The following PARP2 variants were observed in gnomAD, a reference collection of about 807,000 sequenced individuals.
The protein encoded by PARP2 is poly [ADP-ribose] polymerase 2.
Under a neutral mutation model 77.8 loss-of-function variants are expected in PARP2, and 57 were observed. That is an observed-to-expected ratio of 0.73 (90% CI 0.59 to 0.91). The LOEUF is 0.91. Among genes scored for constraint, PARP2 ranks in the 40% least tolerant of loss-of-function variants. The probability of loss-of-function intolerance (pLI) is 0.00; values close to 1 mark genes in which losing one functional copy is unlikely to be tolerated. For synonymous variants in PARP2, 226 were observed against 242.6 expected (o/e 0.93, Z 0.64); for missense variants, 651 against 689.0 (o/e 0.94, Z 0.62).
chr14:20,346,030 A>G (rs560737244), intron 3 of PARP2, among the ~76,000 whole-genome samples: 2 of 152,322 alleles, frequency 1.3e-5, no homozygotes, highest in South Asian at 2.1e-4. Context: ...ATCCACTTCC[A>G]TGATTGAATC....
At position 20,354,079 on chromosome 14, in the gene PARP2, C is replaced by G. The variant is rs770154928; in HGVS notation, c.601-6C>G. The G allele has an allele frequency of 6.2e-7, 1 of 1,605,886 alleles. No individual in the cohort carries two copies. Among genetic ancestry groups the G allele is most frequent in the East Asian group, 2.2e-5 (1 of 44,794 alleles). On this transcript the variant is annotated splice_region_variant and splice_polypyrimidine_tract_variant and intron_variant, in intron 7 of 15. Transcript: ENST00000429687. ...TGTCTTGTGTTTTGTTTGTTTTTTG[C>G]TATAGGATGAAGAGGAAACAAAGAA... is the stretch of plus-strand genomic sequence containing the variant.
chr14:20,345,900 CAGAG>C (rs1440540283), intron 3 of PARP2, among the ~76,000 whole-genome samples: 2 of 149,994 alleles, frequency 1.3e-5, no homozygotes, highest in African/African-American at 5.1e-5. Context: ...GAAGGTGTCA[CAGAG>C]AGAGAAAGAG....
At position 20,345,436 on chromosome 14, in the gene PARP2, A is replaced by T; in HGVS notation, c.245A>T (p.Asp82Val). The T allele has an allele frequency of 6.2e-7, 1 of 1,613,948 alleles. No homozygotes were observed. ...CTGTTAAAGGGCAAAGCTCCTGTGG[A>T]CCCAGAGTGTACAGCCAAGGTGGGG... ...ALLLKGKAPV[D>V]PECTAKVGKA... The change falls in exon 3 of 16, where the codon GAC becomes GTC. Residue 82 changes from aspartate (D) to valine (V), a missense_variant. Transcript: ENST00000429687.
chr14:20,357,573 T>G (rs778286076), intron 15 of PARP2, 53 bp downstream of exon 15: 2 of 1,603,044 alleles, frequency 1.2e-6, no homozygotes, highest in South Asian at 1.1e-5. Context: ...CAGATAAGAC[T>G]ACGTTCTCTA....
chr14:20,350,464 T>C (rs1295906602), intron 4 of PARP2, 62 bp from the exon 5 acceptor site: 3 of 818,096 alleles, frequency 3.7e-6, no homozygotes, highest in Non-Finnish European at 2.1e-6. Context: ...GATGAGTCAT[T>C]GGTTTATGTG....
In PARP2 at chr14:20,345,065, C is replaced by T. The variant is rs1444809168; in HGVS notation, c.180C>T (p.Asp60=). The T allele has an allele frequency of 4.3e-6, 7 of 1,613,928 alleles. No homozygotes were observed. The highest frequency in any genetic ancestry group is 5.9e-6 in the Non-Finnish European group (7 of 1,179,976). Residue 60 remains aspartate (D), a synonymous_variant, in exon 2 of 16, where the codon GAC becomes GAT. Transcript: ENST00000429687. The part of the protein sequence containing the change: ...MPVAGGKANK[D]RTEDKQDESV... ...TGGCTGGAGGAAAAGCTAATAAGGA[C>T]AGGACAGAAGACAAGCAAGATGGTA...
chr14:20,353,365 G>A (rs971740607), intron 7 of PARP2, among the ~76,000 whole-genome samples: 2 of 150,804 alleles, frequency 1.3e-5, no homozygotes, highest in African/African-American at 4.9e-5. Context: ...CTCAGCCTCC[G>A]GAGTAGCTGG....
intron 5 of PARP2, 37 bp downstream of exon 5, chr14:20,350,659 C>A: frequency 3.0e-6 from 4 of 1,333,920 alleles, no homozygotes; most frequent in Non-Finnish European, 4.3e-6. Flanking sequence ...AGTTGGCATT[C>A]AGAAAGTCAG....
chr14:20,348,439 C>G (rs909744815), intron 4 of PARP2, among the ~76,000 whole-genome samples: 3 of 150,268 alleles, frequency 2.0e-5, no homozygotes, highest in Non-Finnish European at 3.0e-5. Context: ...TGCTATGTTG[C>G]TCAGGCTGGC....
intron 4 of PARP2, among the ~76,000 whole-genome samples, chr14:20,348,771 G>A (rs577983982): frequency 1.3e-5 from 2 of 152,314 alleles, no homozygotes; most frequent in Admixed American, 1.3e-4. Context: ...TGTAATCCCA[G>A]CACTTTGGGA....
At chr14:20,352,144 CAG>C in intron 6 of PARP2, 99 bp from the exon 7 acceptor site, 1 of 644,602 alleles carries the variant, frequency 1.6e-6, no homozygotes, top group Non-Finnish European at 2.8e-6. Context: ...TAAAGGAGCT[CAG>C]TGCTGGAAAA....
chr14:20,357,389 T>C lies in PARP2; in HGVS notation c.1429-7T>C, dbSNP rs1236922533. 9 of 1,589,834 alleles carry C rather than the reference T, an allele frequency of 5.7e-6. No homozygotes were observed. The highest frequency in any genetic ancestry group is 6.8e-6 in the Non-Finnish European group (8 of 1,171,578). ...ATATGGGAATTCAAAGGTTTTTTGC[T>C]TTGCAGGTAGCTCTAGGTCAGTGTA... On this transcript the variant is annotated splice_polypyrimidine_tract_variant and splice_region_variant and intron_variant, in intron 14 of 15. Transcript: ENST00000429687.
Position 20,352,290 on chromosome 14 carries a change from T to C in PARP2, c.543T>C (p.Phe181=). The C allele has an allele frequency of 6.2e-7, 1 of 1,613,590 alleles. No homozygotes were observed. The highest frequency in any genetic ancestry group is 8.5e-7 in the Non-Finnish European group (1 of 1,179,434). Residue 181 remains phenylalanine, a synonymous_variant, in exon 7 of 16, where the codon TTT becomes TTC. Transcript: ENST00000429687. ...TKNNWEDREK[F]EKVPGKYDML... is the part of the protein sequence containing the mutation. ...ACAATTGGGAAGATCGAGAAAAGTT[T>C]GAGAAGGTGCCTGGAAAATATGATA...
intron 8 of PARP2, 81 bp from the exon 9 acceptor site, chr14:20,354,728 G>A: frequency 2.2e-6 from 3 of 1,351,752 alleles, no homozygotes; most frequent in African/African-American, 2.9e-5. Flanking sequence ...AAAGATGAAA[G>A]TCTTTTTTAG....
chr14:20,346,008 C>T (rs1158580016), intron 3 of PARP2, among the ~76,000 whole-genome samples: 1 of 152,168 alleles, frequency 6.6e-6, no homozygotes, highest in Non-Finnish European at 1.5e-5. Flanking sequence ...GGTGCTAAAC[C>T]ATTCATGAGA....
At chr14:20,357,360 T>C in intron 14 of PARP2, 36 bp from the exon 15 acceptor site, 5 of 1,573,890 alleles carry the variant, frequency 3.2e-6, no homozygotes, top group Non-Finnish European at 4.3e-6. Flanking sequence ...TAATTCTTAG[T>C]AGGATATGGG....
At chr14:20,344,290 A>G (rs1883625255) in intron 1 of PARP2, 2 of 153,130 alleles carry the variant, frequency 1.3e-5, no homozygotes, top group South Asian at 4.1e-4. Context: ...ACCCTTGAGC[A>G]CTTAACTAAC....
rs774492480 is a variant in PARP2 at position 20,354,246 on chromosome 14, T to C, written c.762T>C (p.Leu254=). 41 of 1,610,186 alleles carry C rather than the reference T, an allele frequency of 2.5e-5. No individual in the cohort carries two copies. Among genetic ancestry groups the C allele is most frequent in the Non-Finnish European group, 3.3e-5 (39 of 1,177,334 alleles). ...AGTATAATACCAAGAAAGCCCCACT[T>C]GGTAGGACTTCACATTTTCTTCTGC... The part of the protein sequence containing the change: ...EMKYNTKKAP[L]GKLTVAQIKA... Residue 254 remains leucine, a splice_region_variant and synonymous_variant, in exon 8 of 16, where the codon CTT becomes CTC. Coordinates refer to ENST00000429687, the MANE Select transcript of PARP2 (RefSeq NM_001042618.2).
intron 4 of PARP2, among the ~76,000 whole-genome samples, chr14:20,347,356 G>GTATACATA (rs1883775832): frequency 3.4e-5 from 1 of 29,562 alleles, no homozygotes; most frequent in African/African-American, 1.6e-4. Flanking sequence ...ATGTGTGTGT[G>GTATACATA]TATATATATA....
Sources: allele counts gnomAD v4.1 joint callset (sites outside exome capture counted in the v4.1 genomes callset), GRCh38; gene constraint gnomAD v4.1.1; transcripts MANE v1.5; gene names NCBI Gene and HGNC (gene_info 2026-07-23, HGNC 2026-07-21).